The following CTNNA2 variants were observed in gnomAD, a reference collection of about 807,000 sequenced individuals.
The protein encoded by CTNNA2 is catenin alpha 2.
CTNNA2 carries 42 observed loss-of-function variants against 101.0 expected under a neutral mutation model. The observed-to-expected ratio is 0.42, with a 90% confidence interval of 0.32 to 0.54. The LOEUF is 0.54. CTNNA2 is among the 20% of genes least tolerant of loss of function. The pLI is 0.14. For synonymous variants in CTNNA2, 450 were observed against 456.4 expected, an observed-to-expected ratio of 0.99 and a Z score of 0.18; for missense variants, 871 against 1,223.1, an observed-to-expected ratio of 0.71 and a Z score of 4.29.
intron 15 of CTNNA2, among the ~76,000 whole-genome samples, chr2:80,596,180 G>A (rs216642): frequency 0.23 from 34,419 of 147,698 alleles, 5,615 homozygotes; most frequent in African/African-American, 0.47. Context: ...TTGTTGATGT[G>A]TAGGAATGCC....
At chr2:79,804,314 A>G (rs1431291371) in intron 3 of CTNNA2, among the ~76,000 whole-genome samples, 1 of 152,244 alleles carries the variant, frequency 6.6e-6, no homozygotes, top group Non-Finnish European at 1.5e-5. Context: ...TAGAAAATAA[A>G]TCTACCAGAT....
intron 1 of CTNNA2, among the ~76,000 whole-genome samples, chr2:79,561,484 A>G (rs10174780): frequency 6.6e-6 from 1 of 151,904 alleles, no homozygotes; most frequent in Non-Finnish European, 1.5e-5. Context: ...GGTAACGCTA[A>G]GTTCAATTTT....
intron 7 of CTNNA2, among the ~76,000 whole-genome samples, chr2:80,153,601 T>A (rs1214792775): frequency 1.3e-5 from 2 of 152,158 alleles, no homozygotes; most frequent in African/African-American, 4.8e-5. Context: ...TTTCCTGACC[T>A]CCATTCCTAT....
intron 9 of CTNNA2, among the ~76,000 whole-genome samples, chr2:80,501,326 AAGAT>A (rs1687863623): frequency 6.6e-6 from 1 of 152,230 alleles, no homozygotes; most frequent in South Asian, 2.1e-4. Flanking sequence ...TTTCTTCTGA[AAGAT>A]AGAGCCATAT....
At chr2:80,377,653 A>G (rs1676086223) in intron 7 of CTNNA2, among the ~76,000 whole-genome samples, 1 of 152,218 alleles carries the variant, frequency 6.6e-6, no homozygotes, top group South Asian at 2.1e-4. Context: ...GTAAAATGAG[A>G]TAACATTGAT....
chr2:80,439,056 A>G (rs1418096039), intron 9 of CTNNA2, among the ~76,000 whole-genome samples: 1 of 152,238 alleles, frequency 6.6e-6, no homozygotes, highest in African/African-American at 2.4e-5. Flanking sequence ...ACTGAAAATT[A>G]TATGAGTAAA....
intron 2 of CTNNA2, among the ~76,000 whole-genome samples, chr2:79,199,755 G>A (rs982985353): frequency 1.3e-5 from 2 of 152,138 alleles, no homozygotes; most frequent in African/African-American, 4.8e-5. Flanking sequence ...TTCAGTTTTT[G>A]GTGAGGGTCC....
chr2:79,962,185 T>C (rs1689686215), intron 7 of CTNNA2, among the ~76,000 whole-genome samples: 1 of 152,240 alleles, frequency 6.6e-6, no homozygotes, highest in Non-Finnish European at 1.5e-5. Flanking sequence ...GGCTGGCAAC[T>C]GACTTTTATT....
intron 7 of CTNNA2, among the ~76,000 whole-genome samples, chr2:80,124,818 G>C (rs1156774706): frequency 6.6e-6 from 1 of 152,138 alleles, no homozygotes; most frequent in Admixed American, 6.5e-5. Context: ...AAAGACCCCT[G>C]TCAAGCTTTG....
intron 7 of CTNNA2, among the ~76,000 whole-genome samples, chr2:79,956,912 G>GA (rs1158803742): frequency 4.4e-4 from 58 of 130,928 alleles, no homozygotes; most frequent in African/African-American, 1.6e-3. Context: ...GAAAGGAAAT[G>GA]AAAAAATAAA....
At chr2:79,437,930 C>G (rs1334932794) in intron 4 of CTNNA2, among the ~76,000 whole-genome samples, 1 of 152,144 alleles carries the variant, frequency 6.6e-6, no homozygotes, top group Admixed American at 6.5e-5. Flanking sequence ...GTGATTCCAC[C>G]ACTCTCCAAC....
chr2:79,275,514 A>G, intron 2 of CTNNA2, among the ~76,000 whole-genome samples: 1 of 151,916 alleles, frequency 6.6e-6, no homozygotes, highest in East Asian at 1.9e-4. Context: ...CTTGCCCCTC[A>G]TGTTTTCTAC....
intron 5 of CTNNA2, among the ~76,000 whole-genome samples, chr2:79,506,687 A>G (rs1002134206): frequency 1.3e-5 from 2 of 152,234 alleles, no homozygotes; most frequent in Admixed American, 1.3e-4. Context: ...ATTATCTATC[A>G]TTATTATACA....
intron 7 of CTNNA2, among the ~76,000 whole-genome samples, chr2:80,224,731 A>G (rs1382649605): frequency 6.6e-6 from 1 of 152,006 alleles, no homozygotes; most frequent in African/African-American, 2.4e-5. Context: ...GGCATGAGCC[A>G]CTCGTGCCCA....
intron 7 of CTNNA2, among the ~76,000 whole-genome samples, chr2:80,310,176 G>A (rs1677423942): frequency 1.3e-5 from 2 of 152,166 alleles, no homozygotes; most frequent in South Asian, 4.1e-4. Flanking sequence ...GAAATGTTAA[G>A]TGATTGCCCA....
intron 6 of CTNNA2, 146 bp downstream of exon 6, chr2:79,874,488 AT>A: frequency 1.0e-6 from 1 of 996,460 alleles, no homozygotes; most frequent in African/African-American, 1.6e-5. Context: ...TACATAATGC[AT>A]TTCTGTAATA....
At chr2:80,132,107 C>T (rs1702449554) in intron 7 of CTNNA2, among the ~76,000 whole-genome samples, 1 of 151,968 alleles carries the variant, frequency 6.6e-6, no homozygotes, top group Non-Finnish European at 1.5e-5. Flanking sequence ...ATAAATATAT[C>T]TTGTGCAGTT....
At chr2:79,644,601 G>A (rs1243052444) in intron 1 of CTNNA2, among the ~76,000 whole-genome samples, 2 of 152,260 alleles carry the variant, frequency 1.3e-5, no homozygotes, top group East Asian at 3.9e-4. Flanking sequence ...AGCTGGCCCA[G>A]CTTTACAGCC....
At chr2:79,562,868 C>G (rs1230880568) in intron 1 of CTNNA2, among the ~76,000 whole-genome samples, 1 of 151,534 alleles carries the variant, frequency 6.6e-6, no homozygotes, top group Non-Finnish European at 1.5e-5. Flanking sequence ...TGTTGCTAAA[C>G]TTGGGTGTGT....
Sources: allele counts gnomAD v4.1 joint callset (sites outside exome capture counted in the v4.1 genomes callset), GRCh38; gene constraint gnomAD v4.1.1; transcripts MANE v1.5; gene names NCBI Gene and HGNC (gene_info 2026-07-23, HGNC 2026-07-21).